Variants in SLC4A4 observed in about 807,000 individuals in gnomAD.
SLC4A4 encodes solute carrier family 4 member 4.
Under a neutral mutation model 111.5 loss-of-function variants are expected in SLC4A4, and 27 were observed. The ratio of observed to expected loss-of-function variants is 0.24; its 90% CI spans 0.18 to 0.33. SLC4A4 has a LOEUF of 0.33. SLC4A4 is among the 10% of genes least tolerant of loss of function. SLC4A4 has a pLI of 1.00. For missense variants in SLC4A4, 909 were observed against 1,315.5 expected (o/e 0.69, Z 4.78); for synonymous variants, 443 against 463.4 (o/e 0.96, Z 0.57).
chr4:71,243,141 G>C (rs1191447559), intron 2 of SLC4A4, among the ~76,000 whole-genome samples: 1 of 152,144 alleles, frequency 6.6e-6, no homozygotes, highest in Non-Finnish European at 1.5e-5. Flanking sequence ...CTGCAATGTT[G>C]CTTCATTTGG....
intron 12 of SLC4A4, among the ~76,000 whole-genome samples, chr4:71,459,363 G>A (rs1364558529): frequency 6.6e-6 from 1 of 151,836 alleles, no homozygotes; most frequent in East Asian, 1.9e-4. Flanking sequence ...AGGTAATTTT[G>A]CCCTTAAACC....
intron 2 of SLC4A4, among the ~76,000 whole-genome samples, chr4:71,248,636 G>A (rs1043479028): frequency 1.3e-5 from 2 of 152,026 alleles, no homozygotes; most frequent in Admixed American, 6.6e-5. Flanking sequence ...ACTTTAAGGG[G>A]AAATTCTTGT....
chr4:71,422,482 T>C (rs1409707745), intron 7 of SLC4A4, among the ~76,000 whole-genome samples: 1 of 151,958 alleles, frequency 6.6e-6, no homozygotes, highest in Non-Finnish European at 1.5e-5. Context: ...CCCTAACTCA[T>C]TTTATGAGGC....
intron 12 of SLC4A4, among the ~76,000 whole-genome samples, chr4:71,460,219 G>T (rs917717525): frequency 6.6e-6 from 1 of 151,580 alleles, no homozygotes; most frequent in African/African-American, 2.4e-5. Context: ...TATTTAGAGA[G>T]GTTTTCCCTA....
At chr4:71,183,184 C>G (rs1227836547), upstream of SLC4A4, among the ~76,000 whole-genome samples, 1 of 152,152 alleles carries the variant, frequency 6.6e-6, no homozygotes, top group Non-Finnish European at 1.5e-5. Flanking sequence ...GAATAACCTG[C>G]CTTCCTTGAC....
intron 23 of SLC4A4, 113 bp downstream of exon 23, chr4:71,560,367 G>A: frequency 8.2e-7 from 1 of 1,219,268 alleles, no homozygotes; most frequent in Non-Finnish European, 1.2e-6. Context: ...ATGTTTATCT[G>A]GACATGTGGT....
chr4:71,329,478 T>C lies in SLC4A4; in HGVS notation c.254-9892T>C, dbSNP rs187276114. Reference sequence around the variant, plus strand: ...CATGGAATATCTTTCCATTTTGTTATGTCTTCAATTTCGTGCATCAATGTT... The same window carrying C: ...CATGGAATATCTTTCCATTTTGTTACGTCTTCAATTTCGTGCATCAATGTT... On this transcript the variant is annotated intron_variant, in intron 3 of 25. Coordinates refer to ENST00000264485, the MANE Select transcript of SLC4A4 (RefSeq NM_001098484.3). 2.6e-5 allele frequency among the ~76,000 whole-genome samples: 4 copies of C among 152,226 alleles called. No individual in the cohort carries two copies. The East Asian group carries it at 5.8e-4, about 22-fold the overall frequency.
chr4:71,156,605 CACACACACAT>C (rs1744484206), intron 2 of SLC4A4, among the ~76,000 whole-genome samples: 2 of 151,050 alleles, frequency 1.3e-5, no homozygotes, highest in African/African-American at 4.9e-5. Context: ...CACACACACA[CACACACACAT>C]ACACATTGTG....
At chr4:71,428,570 A>G (rs1723357253) in intron 7 of SLC4A4, among the ~76,000 whole-genome samples, 1 of 151,960 alleles carries the variant, frequency 6.6e-6, no homozygotes, top group South Asian at 2.1e-4. Flanking sequence ...TTACCACATG[A>G]GTTTGTTTGA....
chr4:71,492,169 A>T lies in SLC4A4; in HGVS notation c.1974+5151A>T, dbSNP rs966039668. ...ATCTCCTTGAAGATTACATATTCCTACTTTTAAAAGTATTACGTAAAATTT... is the reference window on the plus strand; with the variant it reads ...ATCTCCTTGAAGATTACATATTCCTTCTTTTAAAAGTATTACGTAAAATTT... On this transcript the variant is annotated intron_variant, in intron 15 of 25. Coordinates refer to ENST00000264485, the MANE Select transcript of SLC4A4 (RefSeq NM_001098484.3). 6.6e-5 allele frequency among the ~76,000 whole-genome samples: 10 copies of T among 151,756 alleles called. 1 individual carries two copies. In the South Asian group the frequency reaches 1.7e-3, roughly 25 times the overall value.
intron 2 of SLC4A4, among the ~76,000 whole-genome samples, chr4:71,110,353 T>C (rs1415264165): frequency 1.3e-5 from 2 of 152,068 alleles, no homozygotes; most frequent in Non-Finnish European, 2.9e-5. Flanking sequence ...TAGCTGGGAC[T>C]ACAGGCACAT....
intron 14 of SLC4A4, among the ~76,000 whole-genome samples, chr4:71,479,724 C>T (rs1728700095): frequency 6.6e-6 from 1 of 151,740 alleles, no homozygotes; most frequent in Non-Finnish European, 1.5e-5. Flanking sequence ...TTGTGAGACT[C>T]CTTTACCGGC....
intron 2 of SLC4A4, among the ~76,000 whole-genome samples, chr4:71,237,245 T>C (rs1719876788): frequency 6.6e-6 from 1 of 152,258 alleles, no homozygotes; most frequent in Admixed American, 6.5e-5. Context: ...TTTTACCTGG[T>C]GCTATAATAC....
intron 7 of SLC4A4, among the ~76,000 whole-genome samples, chr4:71,404,782 T>C (rs1288727954): frequency 6.6e-6 from 1 of 152,006 alleles, no homozygotes; most frequent in Non-Finnish European, 1.5e-5. Flanking sequence ...ATTGTAAATA[T>C]ATATAGGGAA....
intron 16 of SLC4A4, among the ~76,000 whole-genome samples, chr4:71,499,991 G>C (rs975503226): frequency 6.6e-6 from 1 of 151,978 alleles, no homozygotes; most frequent in Non-Finnish European, 1.5e-5. Context: ...TTATTTTTTG[G>C]GGGAAACTTT....
intron 8 of SLC4A4, among the ~76,000 whole-genome samples, chr4:71,444,521 T>G (rs571197185): frequency 2.0e-5 from 3 of 152,324 alleles, no homozygotes; most frequent in Admixed American, 2.0e-4. Context: ...ACAAATGTGA[T>G]GTTTACTCTA....
chr4:71,541,259 T>C (rs951208190), intron 18 of SLC4A4, among the ~76,000 whole-genome samples: 2 of 152,132 alleles, frequency 1.3e-5, no homozygotes, highest in Non-Finnish European at 2.9e-5. Context: ...TATAATGATT[T>C]CGATTTTTAA....
At chr4:71,293,488 G>A (rs1238924405) in intron 3 of SLC4A4, among the ~76,000 whole-genome samples, 1 of 151,658 alleles carries the variant, frequency 6.6e-6, no homozygotes, top group African/African-American at 2.4e-5. Flanking sequence ...GCTTAAACCC[G>A]GGAGGCGGAG....
chr4:71,207,327 T>C (rs1421515860), intron 1 of SLC4A4, among the ~76,000 whole-genome samples: 2 of 152,236 alleles, frequency 1.3e-5, no homozygotes, highest in Non-Finnish European at 2.9e-5. Flanking sequence ...TCTAGACAGA[T>C]GGTCTTCCTG....
Sources: allele counts gnomAD v4.1 joint callset (sites outside exome capture counted in the v4.1 genomes callset), GRCh38; gene constraint gnomAD v4.1.1; transcripts MANE v1.5; gene names NCBI Gene and HGNC (gene_info 2026-07-23, HGNC 2026-07-21).